The following CARS2 variants were observed in gnomAD, a reference collection of about 807,000 sequenced individuals.
The protein encoded by CARS2 is cysteinyl-tRNA synthetase 2, mitochondrial.
CARS2 carries 52 observed loss-of-function variants against 68.8 expected under a neutral mutation model. The observed-to-expected ratio is 0.76, with a 90% CI of 0.61 to 0.95. The LOEUF is 0.95. CARS2 is among the 40% of genes least tolerant of loss of function. The pLI is 0.00. For missense variants in CARS2, 780 were observed against 754.2 expected (o/e 1.03, Z -0.40); for synonymous variants, 314 against 303.6 (o/e 1.03, Z -0.36).
chr13:110,698,663 T>A (rs1025289486), intron 3 of CARS2, among the ~76,000 whole-genome samples: 1 of 152,080 alleles, frequency 6.6e-6, no homozygotes, highest in Non-Finnish European at 1.5e-5. Context: ...AAGAAGTGAT[T>A]AGGCCGTGAG....
At position 110,705,616 on chromosome 13, in the gene CARS2, A is replaced by G. The variant is rs1180247939; in HGVS notation, c.225-45T>C. 1.9e-6 allele frequency: 3 copies of G among 1,565,594 alleles called. No individual in the cohort carries two copies. The highest frequency in any genetic ancestry group is 2.2e-5 in the South Asian group (2 of 90,064). ...CCATCGTGTGGAACATATTTGCAAG[A>G]AAGGACATTCGATTCTGAGTTATAA... On this transcript the variant is annotated intron_variant, in intron 1 of 14. Coordinates refer to ENST00000257347, the MANE Select transcript of CARS2 (RefSeq NM_024537.4). This position sits in a 1 kb window ranked among gnomAD's most constrained non-coding sequence, Gnocchi z 4.0.
Position 110,668,753 on chromosome 13 carries a change from G to A in CARS2, c.786-1280C>T, listed in dbSNP as rs1180833412. On this transcript the variant is annotated intron_variant, in intron 7 of 14. Coordinates refer to ENST00000257347, the MANE Select transcript of CARS2 (RefSeq NM_024537.4). The surrounding 1 kb of genome is among the most constrained non-coding windows in gnomAD (Gnocchi z 4.1). ...AAAGTTTCACAAGCTGAACTATGGGGCCACAACCTTCACTATGTTAGTTTC... is the reference window on the plus strand; with the variant it reads ...AAAGTTTCACAAGCTGAACTATGGGACCACAACCTTCACTATGTTAGTTTC... Among the ~76,000 whole-genome samples, 2 of 152,130 alleles carry A rather than the reference G, an allele frequency of 1.3e-5. No individual in the cohort carries two copies. The highest frequency in any genetic ancestry group is 4.8e-5 in the African/African-American group (2 of 41,418).
intron 3 of CARS2, among the ~76,000 whole-genome samples, chr13:110,699,334 A>G (rs1471015588): frequency 1.3e-5 from 2 of 152,180 alleles, no homozygotes; most frequent in African/African-American, 4.8e-5. Context: ...GTCTCCACAA[A>G]AAGCAGAGAG....
Position 110,665,518 on chromosome 13 carries a change from T to A in CARS2, c.919+1822A>T. 1 of 985,436 alleles carries A rather than the reference T, an allele frequency of 1.0e-6. No individual in the cohort carries two copies. The highest frequency in any genetic ancestry group is 1.2e-6 in the Non-Finnish European group (1 of 829,952). The allele number at this position is 985,436 out of a possible 1,614,324, so 61.0% of individuals were successfully genotyped here. ...GACCTCCGTTTCTAGACCCGGCCCC[T>A]CCTCATTACCTGACAGGACGAAGCG... On this transcript the variant is annotated intron_variant, in intron 8 of 14. Coordinates refer to ENST00000257347, the MANE Select transcript of CARS2 (RefSeq NM_024537.4). The surrounding 1 kb of genome is among the most constrained non-coding windows in gnomAD (Gnocchi z 4.3).
intron 1 of CARS2, among the ~76,000 whole-genome samples, chr13:110,711,823 A>G (rs1048328094): frequency 2.2e-4 from 34 of 152,376 alleles, no homozygotes; most frequent in African/African-American, 8.2e-4. Flanking sequence ...TGCCGTACTC[A>G]CATCCATAGC....
intron 14 of CARS2, 112 bp downstream of exon 14, chr13:110,642,203 G>T: frequency 1.2e-6 from 1 of 823,082 alleles, no homozygotes. Context: ...GTGAAACTCC[G>T]TCTCAAAAAA....
Position 110,676,865 on chromosome 13 carries a change from A to G in CARS2, c.785+109T>C, listed in dbSNP as rs2062965065. 7.4e-7 allele frequency: 1 copy of G among 1,360,094 alleles called. No homozygotes were observed. Among genetic ancestry groups the G allele is most frequent in the Non-Finnish European group, 9.7e-7 (1 of 1,033,638 alleles). The allele number at this position is 1,360,094 out of a possible 1,614,324, so 84.3% of individuals were successfully genotyped here. ...AAAATCTCTTCCCAAAAAATCACCC[A>G]TGGGCACACGTGCCAGGCTGCACCT... On this transcript the variant is annotated intron_variant, in intron 7 of 14. Transcript: ENST00000257347. This position sits in a 1 kb window ranked among gnomAD's most constrained non-coding sequence, Gnocchi z 4.0.
chr13:110,681,406 T>C (rs1299756320), intron 6 of CARS2, among the ~76,000 whole-genome samples: 1 of 152,216 alleles, frequency 6.6e-6, no homozygotes, highest in African/African-American at 2.4e-5. Context: ...TTATAAATTA[T>C]ATAAATATGT....
At chr13:110,658,594 T>G (rs1163116686) in intron 9 of CARS2, among the ~76,000 whole-genome samples, 2 of 152,170 alleles carry the variant, frequency 1.3e-5, no homozygotes, top group Admixed American at 1.3e-4. Flanking sequence ...ACTCCTCGTT[T>G]AAAAATAAAA....
rs773908976 is a variant in CARS2, at chr13:110,644,493, A to T, written c.1318-10T>A. On this transcript the variant is annotated splice_polypyrimidine_tract_variant and intron_variant, in intron 12 of 14. Coordinates refer to ENST00000257347, the MANE Select transcript of CARS2 (RefSeq NM_024537.4). ...TCGGCCCTTCAGGTTCCTGTAAGAGATCATGTCGCAGAAGCTCCTTAAAAG... is the reference window on the plus strand; with the variant it reads ...TCGGCCCTTCAGGTTCCTGTAAGAGTTCATGTCGCAGAAGCTCCTTAAAAG... 3 of 1,613,724 alleles carry T rather than the reference A, an allele frequency of 1.9e-6. No individual in the cohort carries two copies. Among genetic ancestry groups the T allele is most frequent in the African/African-American group, 2.7e-5 (2 of 74,928 alleles).
intron 7 of CARS2, among the ~76,000 whole-genome samples, chr13:110,675,151 G>A (rs1054356737): frequency 6.6e-6 from 1 of 151,900 alleles, no homozygotes; most frequent in Non-Finnish European, 1.5e-5. Flanking sequence ...ACAGTGTGGC[G>A]ATTCCTCAGG....
chr13:110,687,963 T>C lies in CARS2; in HGVS notation c.449A>G (p.Asp150Gly), dbSNP rs1226818366. Residue 150 changes from aspartate (D) to glycine (G), a missense_variant, in exon 4 of 15, where the codon GAC becomes GGC. Transcript: ENST00000257347. ...ASLYEEDFKQ[D>G]MAALKVLPPT... is the part of the protein sequence containing the mutation. ...ACACTTTACCTTCAGGGCTGCCATG[T>C]CCTGCTTGAAGTCTTCCTCATAAAG... is the stretch of plus-strand genomic sequence containing the variant. 1 of 1,612,856 alleles carries C rather than the reference T, an allele frequency of 6.2e-7. No individual in the cohort carries two copies. The highest frequency in any genetic ancestry group is 1.7e-5 in the Admixed American group (1 of 60,008).
At chr13:110,701,000 C>A (rs977133878) in intron 3 of CARS2, among the ~76,000 whole-genome samples, 1 of 152,222 alleles carries the variant, frequency 6.6e-6, no homozygotes, top group African/African-American at 2.4e-5. Context: ...TCAGATTACA[C>A]CCACTGGCCA....
chr13:110,677,127 A>T, intron 6 of CARS2, 24 bp from the exon 7 acceptor site: 2 of 1,581,064 alleles, frequency 1.3e-6, no homozygotes, highest in Non-Finnish European at 1.7e-6. Flanking sequence ...ACGGTACATC[A>T]GTGGGAAGAA....
intron 8 of CARS2, 49 bp from the exon 9 acceptor site, chr13:110,663,567 CT>C: frequency 6.2e-7 from 1 of 1,603,126 alleles, no homozygotes. Context: ...AGGAGACTCT[CT>C]GGCCTCAGGG....
chr13:110,679,257 C>T (rs1018233404), intron 6 of CARS2, among the ~76,000 whole-genome samples: 31 of 151,996 alleles, frequency 2.0e-4, no homozygotes, highest in Non-Finnish European at 3.1e-4. Flanking sequence ...GAGCTGGGCG[C>T]GGTGGCTCAC....
At chr13:110,663,735 C>T in intron 8 of CARS2, 1 of 1,301,306 alleles carries the variant, frequency 7.7e-7, no homozygotes, top group South Asian at 2.4e-5. Context: ...CACCCAGCCC[C>T]ACACTGAGAG....
intron 9 of CARS2, among the ~76,000 whole-genome samples, chr13:110,655,878 T>C (rs2251314): frequency 0.28 from 43,000 of 152,164 alleles, 6,776 homozygotes; most frequent in African/African-American, 0.39. Context: ...CACAGGAAGA[T>C]GAATCCAAAA....
intron 6 of CARS2, among the ~76,000 whole-genome samples, chr13:110,678,548 A>C (rs1408167177): frequency 6.6e-6 from 1 of 152,220 alleles, no homozygotes; most frequent in Non-Finnish European, 1.5e-5. Context: ...TAGTCACTTT[A>C]CTAAGAATAA....
Sources: gnomAD v4.1 joint callset for allele counts (sites outside exome capture counted in the v4.1 genomes callset) on GRCh38, gnomAD v4.1.1 for gene constraint, Gnocchi (gnomAD v3.1) non-coding constraint, MANE v1.5 for transcripts, NCBI Gene and HGNC (gene_info 2026-07-23, HGNC 2026-07-21) for gene names.